DIAPH3: variants seen among roughly 807,000 people sequenced by gnomAD.
DIAPH3 encodes protein diaphanous homolog 3.
A neutral mutation model predicts 144.3 loss-of-function variants in DIAPH3; 117 were observed. The observed-to-expected ratio is 0.81, with a 90% CI of 0.70 to 0.95. The LOEUF (loss-of-function observed/expected upper bound fraction) is 0.95, where lower values mean the gene tolerates loss of function less well. Ranked by LOEUF, DIAPH3 falls within the 40% of genes least tolerant of loss-of-function variation. The pLI is 0.00. For missense variants in DIAPH3, 1,421 were observed against 1,412.7 expected, an observed-to-expected ratio of 1.01 and a Z score of -0.09; for synonymous variants, 519 against 488.9, an observed-to-expected ratio of 1.06 and a Z score of -0.81.
chr13:59,763,210 TTA>T (rs1369515692), intron 27 of DIAPH3, among the ~76,000 whole-genome samples: 6 of 152,162 alleles, frequency 3.9e-5, no homozygotes, highest in Non-Finnish European at 7.4e-5. Context: ...ACATATATCT[TTA>T]TATATGTGTA....
chr13:60,077,206 A>T (rs1436879869), intron 4 of DIAPH3, among the ~76,000 whole-genome samples: 2 of 152,094 alleles, frequency 1.3e-5, no homozygotes, highest in African/African-American at 2.4e-5. Flanking sequence ...TCCTAAAAAA[A>T]AAATCCTCAA....
intron 27 of DIAPH3, among the ~76,000 whole-genome samples, chr13:59,765,590 G>A (rs1481738667): frequency 6.6e-6 from 1 of 152,098 alleles, no homozygotes; most frequent in East Asian, 1.9e-4. Flanking sequence ...ACCTGACTCC[G>A]AACTGTTTTT....
chr13:60,040,966 A>G (rs1327728418), intron 5 of DIAPH3, among the ~76,000 whole-genome samples: 1 of 152,090 alleles, frequency 6.6e-6, no homozygotes, highest in East Asian at 1.9e-4. Context: ...GGCGTCTGCC[A>G]CCATGCCTGG....
chr13:60,138,755 GAA>G (rs2059352200), intron 1 of DIAPH3, among the ~76,000 whole-genome samples: 1 of 106,590 alleles, frequency 9.4e-6, no homozygotes, highest in African/African-American at 4.9e-5. Context: ...TAACAGGAAG[GAA>G]GGAGAAGGAG....
chr13:59,686,432 T>G (rs907262134), intron 27 of DIAPH3, among the ~76,000 whole-genome samples: 4 of 151,758 alleles, frequency 2.6e-5, no homozygotes, highest in Non-Finnish European at 5.9e-5. Flanking sequence ...GGAAAAAAAA[T>G]TCGGCTCACA....
intron 24 of DIAPH3, among the ~76,000 whole-genome samples, chr13:59,815,720 C>T (rs1203893717): frequency 2.0e-5 from 3 of 151,968 alleles, no homozygotes; most frequent in Non-Finnish European, 4.4e-5. Context: ...CCTCCCAATG[C>T]GCTGGGATTA....
intron 13 of DIAPH3, 63 bp downstream of exon 13, chr13:59,983,706 C>T (rs1414792286): frequency 3.5e-6 from 4 of 1,153,898 alleles, no homozygotes; most frequent in Non-Finnish European, 5.2e-6. Context: ...GAACCAATGC[C>T]CTAGAGCTCA....
Position 59,983,844 on chromosome 13 carries a change from C to T in DIAPH3, c.1405G>A (p.Val469Ile). 1.2e-6 allele frequency: 2 copies of T among 1,610,010 alleles called. No individual in the cohort carries two copies. Among genetic ancestry groups the T allele is most frequent in the South Asian group, 1.1e-5 (1 of 90,966 alleles). ...GGATCCATTCCATCTCTATGCAATACAATCTGGGATACACACTCATCAATT... is the reference window on the plus strand; with the variant it reads ...GGATCCATTCCATCTCTATGCAATATAATCTGGGATACACACTCATCAATT... ...KLIDECVSQI[V>I]LHRDGMDPDF... The change falls in exon 13 of 28, where the codon GTA becomes ATA. Residue 469 changes from valine to isoleucine, a missense_variant. Coordinates refer to ENST00000400324, the MANE Select transcript of DIAPH3 (RefSeq NM_001042517.2).
intron 23 of DIAPH3, among the ~76,000 whole-genome samples, chr13:59,834,152 A>G (rs2041922605): frequency 6.6e-6 from 1 of 151,742 alleles, no homozygotes; most frequent in South Asian, 2.1e-4. Flanking sequence ...TGTGACAGCC[A>G]CTGACATTAG....
intron 24 of DIAPH3, among the ~76,000 whole-genome samples, chr13:59,823,818 A>G (rs894957750): frequency 1.3e-5 from 2 of 152,188 alleles, no homozygotes; most frequent in Non-Finnish European, 2.9e-5. Flanking sequence ...CCTCCCTATC[A>G]AAAACAATTT....
chr13:60,155,128 A>C (rs1006028043), intron 1 of DIAPH3, among the ~76,000 whole-genome samples: 8 of 152,202 alleles, frequency 5.3e-5, no homozygotes, highest in Non-Finnish European at 1.2e-4. Context: ...CATTCCACCA[A>C]CTGCACAAAG....
chr13:60,050,149 G>A (rs565898094), intron 4 of DIAPH3, among the ~76,000 whole-genome samples: 12 of 152,244 alleles, frequency 7.9e-5, no homozygotes, highest in African/African-American at 2.9e-4. Context: ...AGCCATGATC[G>A]TGCCACTGCA....
chr13:59,835,733 C>G (rs1448228965), intron 23 of DIAPH3, among the ~76,000 whole-genome samples: 1 of 151,714 alleles, frequency 6.6e-6, no homozygotes, highest in African/African-American at 2.4e-5. Flanking sequence ...CCCACTCTTA[C>G]AACTGGGCCG....
intron 24 of DIAPH3, among the ~76,000 whole-genome samples, chr13:59,829,270 T>C (rs970784746): frequency 6.6e-6 from 1 of 152,040 alleles, no homozygotes; most frequent in African/African-American, 2.4e-5. Flanking sequence ...CAAACGATTG[T>C]TCCAAAAAAA....
intron 27 of DIAPH3, among the ~76,000 whole-genome samples, chr13:59,672,552 A>G (rs1004770418): frequency 6.6e-6 from 1 of 152,222 alleles, no homozygotes. Flanking sequence ...AGAATCACTC[A>G]TAAATATAAT....
chr13:59,706,235 C>T (rs1458091220), intron 27 of DIAPH3, among the ~76,000 whole-genome samples: 1 of 152,088 alleles, frequency 6.6e-6, no homozygotes, highest in African/African-American at 2.4e-5. Flanking sequence ...GTGTTTAGTA[C>T]AGAGGCAATT....
intron 4 of DIAPH3, among the ~76,000 whole-genome samples, chr13:60,068,816 G>A (rs1368907124): frequency 6.6e-6 from 1 of 152,184 alleles, no homozygotes; most frequent in Non-Finnish European, 1.5e-5. Flanking sequence ...CAAAGATCAT[G>A]ATTTCATTCT....
chr13:59,916,077 T>G (rs2047203211), intron 19 of DIAPH3, 78 bp downstream of exon 19: 3 of 1,229,308 alleles, frequency 2.4e-6, no homozygotes, highest in Non-Finnish European at 3.6e-6. Flanking sequence ...GTGAAGAATT[T>G]TGCTTCACTT....
chr13:60,151,237 A>T (rs1449290761), intron 1 of DIAPH3, among the ~76,000 whole-genome samples: 1 of 152,220 alleles, frequency 6.6e-6, no homozygotes, highest in Non-Finnish European at 1.5e-5. Context: ...GCTGTGCCTA[A>T]GCTATCGTAA....
Sources: allele counts gnomAD v4.1 joint callset (sites outside exome capture counted in the v4.1 genomes callset), GRCh38; gene constraint gnomAD v4.1.1; transcripts MANE v1.5; gene names NCBI Gene and HGNC (gene_info 2026-07-23, HGNC 2026-07-21).